Variants in BPIFC observed in about 807,000 individuals in gnomAD.
The protein encoded by BPIFC is BPI fold-containing family C protein.
BPIFC carries 60 observed loss-of-function variants against 57.6 expected under a neutral mutation model. The observed-to-expected ratio is 1.04, with a 90% CI of 0.85 to 1.29. The LOEUF is 1.29. Ranked by LOEUF, BPIFC falls within the 50% of genes most tolerant of loss-of-function variation. The pLI is 0.00. For synonymous variants in BPIFC, 243 were observed against 224.5 expected (o/e 1.08, Z -0.74); for missense variants, 581 against 600.5 (o/e 0.97, Z 0.34).
At chr22:32,425,596 A>G (rs1355556556) in intron 13 of BPIFC, among the ~76,000 whole-genome samples, 3 of 152,146 alleles carry the variant, frequency 2.0e-5, no homozygotes, top group Non-Finnish European at 2.9e-5. Flanking sequence ...CAGCTAAGAA[A>G]TAGTCTTTTT....
chr22:32,457,673 A>G (rs9609559), intron 2 of BPIFC, among the ~76,000 whole-genome samples: 125,830 of 151,972 alleles, frequency 0.83, 52,374 homozygotes, highest in South Asian at 0.92. Flanking sequence ...TCTAGGTGCT[A>G]AGGGTGTAGT....
intron 3 of BPIFC, 136 bp from the exon 4 acceptor site, chr22:32,453,639 GTATT>G: frequency 8.8e-7 from 1 of 1,141,448 alleles, no homozygotes; most frequent in Non-Finnish European, 1.2e-6. Flanking sequence ...CACAAAGTGG[GTATT>G]ATTGTCTCTG....
chr22:32,425,489 T>C (rs994054980), intron 13 of BPIFC, among the ~76,000 whole-genome samples: 5 of 152,242 alleles, frequency 3.3e-5, no homozygotes, highest in African/African-American at 1.2e-4. Flanking sequence ...CGAAGTGTAT[T>C]CTGAATCAGG....
intron 13 of BPIFC, among the ~76,000 whole-genome samples, chr22:32,419,651 C>CA (rs1283984171): frequency 6.6e-6 from 1 of 151,630 alleles, no homozygotes; most frequent in African/African-American, 2.4e-5. Context: ...TAAAAAAATG[C>CA]AAAAATTAGC....
chr22:32,419,456 GA>G, intron 13 of BPIFC, 52 bp from the exon 14 acceptor site: 2 of 1,488,344 alleles, frequency 1.3e-6, no homozygotes, highest in South Asian at 2.4e-5. Context: ...AGCCTTAGTA[GA>G]AAGAAACCAA....
At chr22:32,414,592 CA>C (rs1469879396) in intron 16 of BPIFC, among the ~76,000 whole-genome samples, 167 bp from the exon 17 acceptor site, 1 of 152,126 alleles carries the variant, frequency 6.6e-6, no homozygotes, top group Admixed American at 6.5e-5. Context: ...TGGCTCACTG[CA>C]AGCTCCGTCC....
At chr22:32,442,780 G>A (rs1165154121) in intron 7 of BPIFC, 49 bp from the exon 8 acceptor site, 1 of 1,566,034 alleles carries the variant, frequency 6.4e-7, no homozygotes, top group Admixed American at 1.7e-5. Flanking sequence ...ATGTTGTACT[G>A]GAAAGCCTTA....
chr22:32,444,419 C>G (rs1176770703), intron 7 of BPIFC, among the ~76,000 whole-genome samples: 2 of 152,186 alleles, frequency 1.3e-5, no homozygotes, highest in African/African-American at 4.8e-5. Flanking sequence ...CTGTCAAGCA[C>G]CGAGCTGAGC....
chr22:32,453,264 G>T, intron 4 of BPIFC, 119 bp downstream of exon 4: 3 of 748,494 alleles, frequency 4.0e-6, no homozygotes, highest in Non-Finnish European at 6.1e-6. Flanking sequence ...GCTAAGGACA[G>T]CAGAACAGAA....
intron 8 of BPIFC, among the ~76,000 whole-genome samples, 176 bp downstream of exon 8, chr22:32,442,495 A>G (rs1934592197): frequency 6.6e-6 from 1 of 152,172 alleles, no homozygotes; most frequent in Non-Finnish European, 1.5e-5. Context: ...GCCAAAGAGT[A>G]CATATGCCCT....
At chr22:32,417,032 A>G in intron 15 of BPIFC, 53 bp downstream of exon 15, 1 of 1,375,748 alleles carries the variant, frequency 7.3e-7, no homozygotes, top group Non-Finnish European at 1.0e-6. Flanking sequence ...GCCGATGCAG[A>G]TGTTAAATGT....
At chr22:32,462,168 C>CAAAAAAAAAAA (rs35716277) in intron 1 of BPIFC, among the ~76,000 whole-genome samples, 6 of 53,598 alleles carry the variant, frequency 1.1e-4, no homozygotes, top group Admixed American at 3.1e-4. Context: ...GACTCCATCT[C>CAAAAAAAAAAA]AAAAAAAAAA....
At chr22:32,436,340 A>AGAGGAAGAGGAGGAG (rs1569451430) in intron 9 of BPIFC, among the ~76,000 whole-genome samples, 2 of 119,816 alleles carry the variant, frequency 1.7e-5, no homozygotes, top group Admixed American at 9.0e-5. Flanking sequence ...AGAAGAAAGA[A>AGAGGAAGAGGAGGAG]GAGGAAGAGG....
chr22:32,424,502 C>T (rs555224025), intron 13 of BPIFC, among the ~76,000 whole-genome samples: 61 of 151,536 alleles, frequency 4.0e-4, no homozygotes, highest in African/African-American at 1.2e-3. Flanking sequence ...AGCGTGACTC[C>T]ATGCTTATGG....
Position 32,435,684 on chromosome 22 carries a change from C to G in BPIFC, c.924+20G>C, listed in dbSNP as rs572412111. The G allele has an allele frequency of 6.2e-7, 1 of 1,603,332 alleles. No individual in the cohort carries two copies. Among genetic ancestry groups the G allele is most frequent in the African/African-American group, 1.3e-5 (1 of 74,506 alleles). The stretch of plus-strand genomic sequence containing the variant: ...GCTGAATGATGGTGACCATTGACAT[C>G]CTCAGTTAACTCTCCTCACCTCTTC... On this transcript the variant is annotated intron_variant, in intron 10 of 16. Coordinates refer to ENST00000300399, the MANE Select transcript of BPIFC (RefSeq NM_174932.3).
chr22:32,457,175 A>T, intron 3 of BPIFC, 88 bp downstream of exon 3: 2 of 1,433,150 alleles, frequency 1.4e-6, no homozygotes, highest in Middle Eastern at 1.8e-4. Context: ...CTCAGTCAGG[A>T]GACAGCCCAT....
chr22:32,440,197 A>C (rs1313943128), intron 8 of BPIFC, among the ~76,000 whole-genome samples: 1 of 152,158 alleles, frequency 6.6e-6, no homozygotes, highest in Non-Finnish European at 1.5e-5. Context: ...GGCTCACTGC[A>C]TGATCTTGGC....
chr22:32,461,647 G>C lies in BPIFC; in HGVS notation c.-74C>G. 1 of 985,538 alleles carries C rather than the reference G, an allele frequency of 1.0e-6. No homozygotes were observed. The highest frequency in any genetic ancestry group is 1.2e-6 in the Non-Finnish European group (1 of 830,032). 61.0% of individuals were successfully genotyped at this position (985,538 alleles called of 1,614,324 possible). A position where few individuals can be genotyped will look rare whatever the true frequency, so the allele number is the denominator to read the frequency against. On this transcript the variant is annotated 5_prime_UTR_variant, in exon 2 of 17. Coordinates refer to ENST00000300399, the MANE Select transcript of BPIFC (RefSeq NM_174932.3). ...CTTGATCCTTTAGTTGCCCTTGGAG[G>C]TTAGTCAAGGTGTCCTGGAAAGGGG...
At chr22:32,426,185 A>C (rs1213606971) in intron 13 of BPIFC, among the ~76,000 whole-genome samples, 1 of 152,120 alleles carries the variant, frequency 6.6e-6, no homozygotes, top group Non-Finnish European at 1.5e-5. Flanking sequence ...TTCTGGGGAG[A>C]GTAATTTGGA....
Sources: allele counts gnomAD v4.1 joint callset (sites outside exome capture counted in the v4.1 genomes callset), GRCh38; gene constraint gnomAD v4.1.1; transcripts MANE v1.5; gene names NCBI Gene and HGNC (gene_info 2026-07-23, HGNC 2026-07-21).